Variants in ENKUR observed in about 807,000 individuals in gnomAD.
ENKUR encodes enkurin.
ENKUR carries 19 observed loss-of-function variants against 27.6 expected under a neutral mutation model. The ratio of observed to expected loss-of-function variants is 0.69; its 90% CI spans 0.48 to 1.01. The LOEUF is 1.01. Among genes scored for constraint, ENKUR ranks in the 50% least tolerant of loss-of-function variants. The probability of loss-of-function intolerance (pLI) is 0.00; values close to 1 mark genes in which losing one functional copy is unlikely to be tolerated. For synonymous variants in ENKUR, 117 were observed against 96.9 expected (o/e 1.21, Z -1.22); for missense variants, 312 against 310.5 (o/e 1.00, Z -0.04).
chr10:25,049,648 T>G (rs1851161142), intron 2 of ENKUR, among the ~76,000 whole-genome samples: 1 of 151,826 alleles, frequency 6.6e-6, no homozygotes, highest in Non-Finnish European at 1.5e-5. Flanking sequence ...ATTAGCCAGA[T>G]GTGGTGGCAC....
intron 2 of ENKUR, among the ~76,000 whole-genome samples, chr10:25,034,399 C>T (rs1850977960): frequency 6.6e-6 from 1 of 151,960 alleles, no homozygotes; most frequent in Admixed American, 6.6e-5. Flanking sequence ...TCTAGTCTAA[C>T]AAAAAAGATG....
Position 25,030,271 on chromosome 10 carries a change from G to C in ENKUR, c.37+30841C>G, listed in dbSNP as rs569541184. 5.3e-5 allele frequency among the ~76,000 whole-genome samples: 8 copies of C among 152,144 alleles called. No homozygotes were observed. The East Asian group carries it at 1.5e-3, about 29-fold the overall frequency. On this transcript the variant is annotated intron_variant, in intron 2 of 5. Coordinates refer to the ENKUR transcript ENST00000615958. ...CTCTCCAGTAGCTTCCTCTGATAAT[G>C]TTGTGATTTTAGCGTGTGCTTTTAA... is the stretch of plus-strand genomic sequence containing the variant.
intron 4 of ENKUR, among the ~76,000 whole-genome samples, chr10:24,987,387 A>C (rs1849802418): frequency 1.3e-5 from 2 of 152,072 alleles, no homozygotes; most frequent in Admixed American, 6.6e-5. Context: ...CTGCAATCCC[A>C]ACACTTTGAG....
At chr10:25,031,384 T>C (rs1428735752) in intron 2 of ENKUR, among the ~76,000 whole-genome samples, 1 of 152,200 alleles carries the variant, frequency 6.6e-6, no homozygotes, top group African/African-American at 2.4e-5. Flanking sequence ...TGAAAGGTCA[T>C]GTGGAAAGAG....
intron 2 of ENKUR, among the ~76,000 whole-genome samples, chr10:25,059,762 T>C (rs1029842773): frequency 7.9e-5 from 12 of 151,826 alleles, no homozygotes; most frequent in Non-Finnish European, 1.2e-4. Flanking sequence ...AGTTTGAAAC[T>C]GCAATGAGCT....
At chr10:25,005,136 G>A (rs1383173551) in intron 1 of ENKUR, among the ~76,000 whole-genome samples, 1 of 152,076 alleles carries the variant, frequency 6.6e-6, no homozygotes, top group African/African-American at 2.4e-5. Context: ...TCTTGTACCA[G>A]TACCATGCTG....
intron 2 of ENKUR, among the ~76,000 whole-genome samples, chr10:25,050,465 CAGGGGAACTG>C (rs1851174734): frequency 6.6e-6 from 1 of 152,142 alleles, no homozygotes; most frequent in Non-Finnish European, 1.5e-5. Flanking sequence ...AGAGCATGTG[CAGGGGAACTG>C]CCCTTTATAA....
chr10:25,024,898 AC>A, intron 2 of ENKUR: 1 of 1,613,850 alleles, frequency 6.2e-7, no homozygotes, highest in Non-Finnish European at 8.5e-7. Flanking sequence ...ACTAGCACAA[AC>A]CTTTTCACCG....
chr10:25,009,885 A>T (rs1196593366), intron 1 of ENKUR, among the ~76,000 whole-genome samples: 1 of 152,154 alleles, frequency 6.6e-6, no homozygotes, highest in African/African-American at 2.4e-5. Context: ...CTCCCCAGCC[A>T]TGTGGAACTG....
intron 2 of ENKUR, chr10:25,025,231 A>T: frequency 6.2e-7 from 1 of 1,614,204 alleles, no homozygotes. Context: ...CCATTACTCA[A>T]AGTTTGCACC....
At position 24,984,642 on chromosome 10, in the gene ENKUR, G is replaced by A. The variant is rs552033606; in HGVS notation, c.764+94C>T. ...TAAGACTATTTTTATTCTCTTCATAGTATTTTCCTTTTTGAAAAACTTGGA... is the reference window on the plus strand; with the variant it reads ...TAAGACTATTTTTATTCTCTTCATAATATTTTCCTTTTTGAAAAACTTGGA... On this transcript the variant is annotated intron_variant, in intron 5 of 5. Transcript: ENST00000331161. The A allele has an allele frequency of 5.2e-5, 62 of 1,184,160 alleles. No individual in the cohort carries two copies. The Admixed American group carries it at 1.2e-3, about 23-fold the overall frequency. 73.4% of individuals were successfully genotyped at this position (1,184,160 alleles called of 1,614,324 possible).
Position 24,984,220 on chromosome 10 carries a change from T to C in ENKUR, c.*150A>G, listed in dbSNP as rs1451682358. On this transcript the variant is annotated 3_prime_UTR_variant, in exon 6 of 6. Coordinates refer to ENST00000331161, the MANE Select transcript of ENKUR (RefSeq NM_145010.4). ...GAAAATATTTCTCACTGGGAATAAC[T>C]GCAAATGTCATGGGCCACAGGAAAA... 1.2e-6 allele frequency: 1 copy of C among 814,316 alleles called. No homozygotes were observed. The highest frequency in any genetic ancestry group is 1.9e-6 in the Non-Finnish European group (1 of 533,172). 50.4% of individuals were successfully genotyped at this position (814,316 alleles called of 1,614,324 possible). A position where few individuals can be genotyped will look rare whatever the true frequency, so the allele number is the denominator to read the frequency against.
At chr10:25,049,254 C>G (rs1469644232) in intron 2 of ENKUR, among the ~76,000 whole-genome samples, 3 of 152,150 alleles carry the variant, frequency 2.0e-5, no homozygotes, top group Non-Finnish European at 4.4e-5. Context: ...GGTACATTCT[C>G]TCAGATAAGT....
At chr10:25,050,734 T>G (rs142175378) in intron 2 of ENKUR, among the ~76,000 whole-genome samples, 113 of 152,240 alleles carry the variant, frequency 7.4e-4, no homozygotes, top group Non-Finnish European at 1.3e-3. Flanking sequence ...CAGGATTAGA[T>G]GCTGCGGTTT....
At chr10:25,017,712 CA>C (rs1850635693), upstream of ENKUR, among the ~76,000 whole-genome samples, 1 of 151,658 alleles carries the variant, frequency 6.6e-6, no homozygotes, top group South Asian at 2.1e-4. Context: ...GATTGTCTTC[CA>C]AAACATTTTA....
intron 2 of ENKUR, among the ~76,000 whole-genome samples, chr10:24,997,873 C>T (rs1237735194): frequency 2.0e-5 from 3 of 151,432 alleles, no homozygotes; most frequent in Middle Eastern, 3.4e-3. Context: ...TATATGAGGA[C>T]CCAAGGGATA....
intron 2 of ENKUR, among the ~76,000 whole-genome samples, chr10:25,027,734 A>G (rs1283551812): frequency 1.3e-5 from 2 of 151,960 alleles, no homozygotes; most frequent in Non-Finnish European, 2.9e-5. Context: ...ACAAAAAATT[A>G]GCTGGATATG....
At chr10:25,052,070 T>C (rs1356080947) in intron 2 of ENKUR, among the ~76,000 whole-genome samples, 1 of 152,186 alleles carries the variant, frequency 6.6e-6, no homozygotes, top group African/African-American at 2.4e-5. Context: ...AGAAAGTCCA[T>C]TGTCATTTAT....
chr10:24,987,034 T>A (rs1278900941), intron 4 of ENKUR, among the ~76,000 whole-genome samples: 1 of 152,198 alleles, frequency 6.6e-6, no homozygotes, highest in East Asian at 1.9e-4. Context: ...CTCCACCTTG[T>A]GGGGTGCTCC....
Sources: gnomAD v4.1 joint callset for allele counts (sites outside exome capture counted in the v4.1 genomes callset) on GRCh38, gnomAD v4.1.1 for gene constraint, MANE v1.5 for transcripts, NCBI Gene and HGNC (gene_info 2026-07-23, HGNC 2026-07-21) for gene names.